Variants in MAST4 observed in about 807,000 individuals in gnomAD.
The protein encoded by MAST4 is microtubule-associated serine/threonine-protein kinase 4.
In MAST4, 89 loss-of-function variants were observed where a neutral mutation model predicts 162.7. The ratio of observed to expected loss-of-function variants is 0.55; its 90% confidence interval spans 0.46 to 0.65. MAST4 has a LOEUF of 0.65. Ranked by LOEUF, MAST4 falls within the 30% of genes least tolerant of loss-of-function variation. The probability of loss-of-function intolerance (pLI) is 0.00; values close to 1 mark genes in which losing one functional copy is unlikely to be tolerated. For synonymous variants in MAST4, 1,479 were observed against 1,361.1 expected (o/e 1.09, Z -1.91); for missense variants, 3,153 against 3,374.0 (o/e 0.93, Z 1.62).
intron 4 of MAST4, among the ~76,000 whole-genome samples, chr5:67,034,144 G>A (rs1755724212): frequency 6.6e-6 from 1 of 152,078 alleles, no homozygotes; most frequent in Non-Finnish European, 1.5e-5. Context: ...TTGTTGTGTT[G>A]TCATCACAAG....
Position 66,843,080 on chromosome 5 carries a change from CTG to C in MAST4, c.642+54288_642+54289del, listed in dbSNP as rs1172872070. On this transcript the variant is annotated intron_variant, in intron 3 of 28. Transcript: ENST00000403625. ...ACCTTTGCCAATGCCTTATCTACCA[CTG>C]TCTTTTAAATCTACTCCATGTAAAA... 2.6e-5 allele frequency among the ~76,000 whole-genome samples: 4 copies of C among 152,154 alleles called. No homozygotes were observed. The East Asian group carries it at 5.8e-4, about 22-fold the overall frequency.
intron 1 of MAST4, among the ~76,000 whole-genome samples, chr5:66,639,110 C>A (rs1234409956): frequency 1.3e-5 from 2 of 151,862 alleles, no homozygotes; most frequent in Non-Finnish European, 2.9e-5. Flanking sequence ...TTGGCTTAAT[C>A]CTGAGGAGCT....
intron 1 of MAST4, among the ~76,000 whole-genome samples, chr5:66,632,792 A>G (rs1034032054): frequency 2.0e-4 from 31 of 152,200 alleles, no homozygotes; most frequent in African/African-American, 6.0e-4. Flanking sequence ...GGAATTGTTG[A>G]TAAGTATGAA....
chr5:66,845,089 A>ATTTATT, intron 3 of MAST4, among the ~76,000 whole-genome samples: 1 of 25,266 alleles, frequency 4.0e-5, no homozygotes, highest in African/African-American at 1.1e-4. Flanking sequence ...TAATCTTTAT[A>ATTTATT]TATATATATA....
chr5:66,986,960 G>A (rs1412054954), intron 4 of MAST4, among the ~76,000 whole-genome samples: 1 of 152,054 alleles, frequency 6.6e-6, no homozygotes, highest in Non-Finnish European at 1.5e-5. Flanking sequence ...ACATGTGTAT[G>A]CTCTTATCTC....
chr5:66,674,515 C>G (rs756236930), intron 1 of MAST4, among the ~76,000 whole-genome samples: 3 of 152,108 alleles, frequency 2.0e-5, no homozygotes, highest in Non-Finnish European at 2.9e-5. Context: ...TGGGAACAAG[C>G]CTTGGTAAGA....
Position 67,073,327 on chromosome 5 carries a change from A to C in MAST4, c.764-16835A>C, listed in dbSNP as rs537681086. On this transcript the variant is annotated intron_variant, in intron 5 of 28. Transcript: ENST00000403625. ...ATTGATTTCTTTGGCAGGTCTTCTT[A>C]TTATTGCATTGTTTCAAGCCAAAGT... is the stretch of plus-strand genomic sequence containing the variant. Among the ~76,000 whole-genome samples, 19 of 152,278 alleles carry C rather than the reference A, an allele frequency of 1.2e-4. No individual in the cohort carries two copies. The East Asian group carries it at 2.7e-3, about 22-fold the overall frequency.
rs865853272 is a variant in MAST4, at chr5:66,986,340, G to A, written c.675-68064G>A. On this transcript the variant is annotated intron_variant, in intron 4 of 28. Coordinates refer to ENST00000403625, the MANE Select transcript of MAST4 (RefSeq NM_001164664.2). Reference sequence around the variant, plus strand: ...GGGACTTGACTTTTATAGAAAGTATGGATCCATATGTTGTTACACAGAGAA... The same window carrying A: ...GGGACTTGACTTTTATAGAAAGTATAGATCCATATGTTGTTACACAGAGAA... 15 of 717,188 alleles carry A rather than the reference G, an allele frequency of 2.1e-5. No individual in the cohort carries two copies. The Middle Eastern group carries it at 3.4e-3, about 162-fold the overall frequency. The allele number at this position is 717,188 out of a possible 1,614,324, so 44.4% of individuals were successfully genotyped here.
chr5:66,992,351 T>C (rs1750158113), intron 4 of MAST4, among the ~76,000 whole-genome samples: 1 of 152,206 alleles, frequency 6.6e-6, no homozygotes, highest in South Asian at 2.1e-4. Flanking sequence ...TTTCGCATCT[T>C]CACTTCCGGT....
rs114232316 is a variant in MAST4 at position 67,042,584 on chromosome 5, C to T, written c.675-11820C>T. On this transcript the variant is annotated intron_variant, in intron 4 of 28. Coordinates refer to ENST00000403625, the MANE Select transcript of MAST4 (RefSeq NM_001164664.2). ...ATTCTTCGCTCCTTAGAGACTACTT[C>T]CCTTTTCGTGTTAGAAACAAATAGT... Among the ~76,000 whole-genome samples, 495 of 151,846 alleles carry T rather than the reference C, an allele frequency of 3.3e-3. 3 individuals are homozygous for T. Among genetic ancestry groups the T allele is most frequent in the African/African-American group, 0.012 (477 of 41,398 alleles).
intron 1 of MAST4, among the ~76,000 whole-genome samples, chr5:66,722,264 G>A (rs60319332): frequency 0.048 from 7,335 of 152,156 alleles, 544 homozygotes; most frequent in African/African-American, 0.14. Flanking sequence ...TGCTTTCCGT[G>A]TTTTTTAGAT....
chr5:67,043,955 C>T (rs1470972631), intron 4 of MAST4, among the ~76,000 whole-genome samples: 1 of 152,128 alleles, frequency 6.6e-6, no homozygotes, highest in East Asian at 1.9e-4. Context: ...AAACTGGCTC[C>T]ACCACCTCCA....
At chr5:66,689,047 T>TA (rs1748871278) in intron 1 of MAST4, among the ~76,000 whole-genome samples, 1 of 152,178 alleles carries the variant, frequency 6.6e-6, no homozygotes, top group African/African-American at 2.4e-5. Context: ...GAAAAAGTTT[T>TA]AAAAGGATCA....
chr5:66,916,893 T>C, intron 4 of MAST4: 1 of 678,524 alleles, frequency 1.5e-6, no homozygotes, highest in Non-Finnish European at 2.7e-6. Flanking sequence ...TTTTCAGTAC[T>C]CCCTTTCTCC....
At chr5:66,714,458 C>A (rs1750691754) in intron 1 of MAST4, among the ~76,000 whole-genome samples, 1 of 152,162 alleles carries the variant, frequency 6.6e-6, no homozygotes, top group Non-Finnish European at 1.5e-5. Context: ...TAACATTGAG[C>A]ACCTCTCTCT....
chr5:67,147,238 G>A (rs773568040), intron 23 of MAST4, among the ~76,000 whole-genome samples: 3 of 152,126 alleles, frequency 2.0e-5, no homozygotes, highest in Non-Finnish European at 4.4e-5. Context: ...ATAGAGAGAT[G>A]AGCTGATTTG....
In MAST4 at chr5:67,165,299, G is replaced by C. The variant is rs369263615; in HGVS notation, c.6120G>C (p.Gly2040=). 86 of 1,613,422 alleles carry C rather than the reference G, an allele frequency of 5.3e-5. No individual in the cohort carries two copies. Among genetic ancestry groups the C allele is most frequent in the Non-Finnish European group, 6.9e-5 (82 of 1,179,894 alleles). Residue 2040 remains glycine, a synonymous_variant, in exon 29 of 29, where the codon GGG becomes GGC. Transcript: ENST00000403625. The part of the protein sequence containing the change: ...QAMEKAWAPG[G]KTNHKDGPGE... Reference sequence around the variant, plus strand: ...TGGAGAAAGCATGGGCGCCGGGTGGGAAAACGAACCACAAAGATGGCCCAG... The same window carrying C: ...TGGAGAAAGCATGGGCGCCGGGTGGCAAAACGAACCACAAAGATGGCCCAG...
chr5:66,910,360 C>A (rs1237323951), intron 4 of MAST4, among the ~76,000 whole-genome samples: 1 of 152,082 alleles, frequency 6.6e-6, no homozygotes, highest in Non-Finnish European at 1.5e-5. Context: ...ACTGGCAGTC[C>A]CCAAATATAT....
At chr5:66,762,257 G>C (rs1451982595) in intron 2 of MAST4, among the ~76,000 whole-genome samples, 2 of 146,856 alleles carry the variant, frequency 1.4e-5, no homozygotes, top group African/African-American at 5.0e-5. Context: ...CCTTAGAAGA[G>C]CTAAAAAAAA....
Sources: gnomAD v4.1 joint callset for allele counts (sites outside exome capture counted in the v4.1 genomes callset) on GRCh38, gnomAD v4.1.1 for gene constraint, MANE v1.5 for transcripts, NCBI Gene and HGNC (gene_info 2026-07-23, HGNC 2026-07-21) for gene names.